SYT14: variants seen among roughly 807,000 people sequenced by gnomAD.
SYT14 encodes the protein synaptotagmin 14, also known as synaptotagmin-14.
SYT14 carries 32 observed loss-of-function variants against 74.2 expected under a neutral mutation model. The ratio of observed to expected loss-of-function variants is 0.43; its 90% CI spans 0.33 to 0.58. SYT14 has a LOEUF of 0.58. Among genes scored for constraint, SYT14 ranks in the 20% least tolerant of loss-of-function variants. SYT14 has a pLI of 0.05. For synonymous variants in SYT14, 298 were observed against 337.7 expected (o/e 0.88, Z 1.29); for missense variants, 791 against 981.8 (o/e 0.81, Z 2.60).
intron 7 of SYT14, among the ~76,000 whole-genome samples, chr1:210,146,193 C>T (rs969458579): frequency 2.0e-5 from 3 of 152,060 alleles, no homozygotes; most frequent in Non-Finnish European, 2.9e-5. Context: ...CAAAAATTAA[C>T]CGGGCGTGTT....
intron 2 of SYT14, among the ~76,000 whole-genome samples, chr1:209,974,819 C>G (rs537241160): frequency 7.9e-5 from 12 of 152,296 alleles, no homozygotes; most frequent in African/African-American, 2.9e-4. Flanking sequence ...GCCATTTTCA[C>G]AATATTGATT....
At chr1:210,095,677 G>A (rs2081956203) in intron 6 of SYT14, among the ~76,000 whole-genome samples, 1 of 152,070 alleles carries the variant, frequency 6.6e-6, no homozygotes, top group South Asian at 2.1e-4. Context: ...TTAAATAATA[G>A]GTGTAGTTTC....
At chr1:210,015,190 A>C (rs1397618966) in intron 3 of SYT14, among the ~76,000 whole-genome samples, 1 of 152,160 alleles carries the variant, frequency 6.6e-6, no homozygotes, top group African/African-American at 2.4e-5. Context: ...GCATAATGGA[A>C]GACAGCTGGA....
intron 2 of SYT14, among the ~76,000 whole-genome samples, chr1:209,960,006 G>A (rs1572069987): frequency 6.6e-6 from 1 of 152,100 alleles, no homozygotes; most frequent in African/African-American, 2.4e-5. Flanking sequence ...TCCATTACCT[G>A]AAATTCTATT....
chr1:209,986,634 C>T (rs1227574503), intron 2 of SYT14, among the ~76,000 whole-genome samples: 7 of 152,086 alleles, frequency 4.6e-5, no homozygotes, highest in East Asian at 3.9e-4. Context: ...AAATTTCTTC[C>T]GCCAGATACC....
chr1:210,032,354 C>T (rs539922650), intron 5 of SYT14, among the ~76,000 whole-genome samples: 28 of 151,996 alleles, frequency 1.8e-4, no homozygotes, highest in Non-Finnish European at 2.9e-5. Context: ...CTTTTTATCA[C>T]CATCTTTTAC....
intron 7 of SYT14, among the ~76,000 whole-genome samples, chr1:210,143,497 T>C (rs556069901): frequency 8.5e-5 from 13 of 152,300 alleles, no homozygotes; most frequent in African/African-American, 2.9e-4. Flanking sequence ...CGTTTGTTTA[T>C]ATTTTAATAT....
chr1:210,075,186 G>T (rs529853713), intron 5 of SYT14, among the ~76,000 whole-genome samples: 1 of 152,124 alleles, frequency 6.6e-6, no homozygotes, highest in Non-Finnish European at 1.5e-5. Flanking sequence ...TCGATGGCCT[G>T]TGGGCGTGCC....
chr1:209,941,862 T>G (rs1339662064), intron 1 of SYT14, among the ~76,000 whole-genome samples: 2 of 152,212 alleles, frequency 1.3e-5, no homozygotes, highest in South Asian at 4.1e-4. Context: ...GATCAAGTTC[T>G]TTATATCATA....
At chr1:210,165,197 T>C (rs764191614) in exon 10 of SYT14, 5 of 151,952 alleles carry the variant, frequency 3.3e-5, no homozygotes, top group Non-Finnish European at 7.4e-5. Flanking sequence ...CTAAAACCCA[T>C]GCTATGCATG....
chr1:209,941,072 A>G (rs1485998519), intron 1 of SYT14, among the ~76,000 whole-genome samples: 1 of 152,200 alleles, frequency 6.6e-6, no homozygotes, highest in Non-Finnish European at 1.5e-5. Context: ...TCTGTTAAGC[A>G]TACTCTTATT....
chr1:210,090,082 T>C (rs1384987924), intron 5 of SYT14, among the ~76,000 whole-genome samples: 1 of 152,194 alleles, frequency 6.6e-6, no homozygotes, highest in Non-Finnish European at 1.5e-5. Flanking sequence ...TGGTCACCAG[T>C]CTGATTGTGG....
intron 1 of SYT14, among the ~76,000 whole-genome samples, chr1:209,942,918 A>ATG (rs755274647): frequency 2.5e-4 from 37 of 150,942 alleles, no homozygotes; most frequent in Admixed American, 1.3e-3. Context: ...GTGTTTGTAT[A>ATG]TGTGTGTGTG....
intron 7 of SYT14, among the ~76,000 whole-genome samples, chr1:210,102,756 ATTG>A (rs920638292): frequency 2.6e-5 from 4 of 152,046 alleles, no homozygotes; most frequent in African/African-American, 9.7e-5. Context: ...ATCATGGCTG[ATTG>A]TAGCCTGAAA....
chr1:210,066,313 C>T (rs1281122105), intron 5 of SYT14, among the ~76,000 whole-genome samples: 3 of 151,980 alleles, frequency 2.0e-5, no homozygotes, highest in African/African-American at 7.2e-5. Context: ...CTGACTTCCA[C>T]AATGGTTGAA....
chr1:210,043,504 T>C (rs1028980562), intron 5 of SYT14, among the ~76,000 whole-genome samples: 1 of 152,194 alleles, frequency 6.6e-6, no homozygotes, highest in Non-Finnish European at 1.5e-5. Flanking sequence ...AATGTTGTTA[T>C]GGTAATCCAA....
intron 1 of SYT14, among the ~76,000 whole-genome samples, chr1:209,952,386 C>G (rs1005075530): frequency 2.6e-5 from 4 of 152,136 alleles, no homozygotes; most frequent in Non-Finnish European, 5.9e-5. Flanking sequence ...AGTGGGTCCT[C>G]TCTTACAGTC....
At chr1:209,941,077 C>G (rs2078722520) in intron 1 of SYT14, among the ~76,000 whole-genome samples, 1 of 152,168 alleles carries the variant, frequency 6.6e-6, no homozygotes, top group Non-Finnish European at 1.5e-5. Flanking sequence ...TAAGCATACT[C>G]TTATTAGCTA....
intron 7 of SYT14, among the ~76,000 whole-genome samples, chr1:210,140,431 AT>A (rs1352803290): frequency 6.7e-6 from 1 of 149,124 alleles, no homozygotes; most frequent in Non-Finnish European, 1.5e-5. Context: ...AAGATAAGTG[AT>A]TTGATAATAT....
Sources: gnomAD v4.1 joint callset for allele counts (sites outside exome capture counted in the v4.1 genomes callset) on GRCh38, gnomAD v4.1.1 for gene constraint, MANE v1.5 for transcripts, NCBI Gene and HGNC (gene_info 2026-07-23, HGNC 2026-07-21) for gene names.